The following BCL2 variants were observed in gnomAD, a reference collection of about 807,000 sequenced individuals.
The protein encoded by BCL2 is BCL2 apoptosis regulator, also known as apoptosis regulator Bcl-2.
A neutral mutation model predicts 14.2 loss-of-function variants in BCL2; 1 was observed. The observed-to-expected ratio is 0.07, with a 90% CI of 0.02 to 0.33. The LOEUF is 0.33. BCL2 is among the 10% of genes least tolerant of loss of function. The pLI is 0.99. For missense variants in BCL2, 247 were observed against 305.9 expected (o/e 0.81, Z 1.44); for synonymous variants, 151 against 137.2 (o/e 1.10, Z -0.70).
chr18:63,212,881 A>T (rs1316664982), intron 2 of BCL2, among the ~76,000 whole-genome samples: 1 of 39,486 alleles, frequency 2.5e-5, no homozygotes, highest in Non-Finnish European at 7.5e-5. Flanking sequence ...GTCTCAAAAA[A>T]CAAAAAAAAA....
In BCL2 at chr18:63,233,379, T is replaced by A. The variant is rs1910738465; in HGVS notation, c.585+84703A>T. ...GGATTATTGATAACATTACCATTCG[T>A]TTTTTAAACTTGCAAAATGATACTA... is the stretch of plus-strand genomic sequence containing the variant. On this transcript the variant is annotated intron_variant, in intron 2 of 2. Coordinates refer to ENST00000333681, the MANE Select transcript of BCL2 (RefSeq NM_000633.3). Among the ~76,000 whole-genome samples the A allele has an allele frequency of 1.3e-5, 2 of 152,170 alleles. 1 individual carries two copies. The highest frequency in any genetic ancestry group is 1.3e-4 in the Admixed American group (2 of 15,286).
chr18:63,249,833 T>C (rs1364001814), intron 2 of BCL2, among the ~76,000 whole-genome samples: 1 of 142,204 alleles, frequency 7.0e-6, no homozygotes, highest in Non-Finnish European at 1.5e-5. Context: ...CTAAAAAAAA[T>C]GGTAGTTTCA....
intron 2 of BCL2, among the ~76,000 whole-genome samples, chr18:63,240,201 C>T (rs1599263370): frequency 6.6e-6 from 1 of 152,054 alleles, no homozygotes; most frequent in Non-Finnish European, 1.5e-5. Flanking sequence ...CTTGCCCAGG[C>T]TGGTCTTGAA....
intron 2 of BCL2, among the ~76,000 whole-genome samples, chr18:63,199,802 C>T (rs1228067034): frequency 1.3e-5 from 2 of 152,190 alleles, no homozygotes; most frequent in African/African-American, 4.8e-5. Context: ...GCTCATCCCA[C>T]TTCTGTGCTG....
Position 63,125,719 on chromosome 18 carries a change from A to G in BCL2, c.*2906T>C, listed in dbSNP as rs965848467. The G allele has an allele frequency of 2.8e-5, 6 of 213,940 alleles. No homozygotes were observed. Among genetic ancestry groups the G allele is most frequent in the Admixed American group, 2.3e-4 (4 of 17,080 alleles). 13.3% of individuals were successfully genotyped at this position (213,940 alleles called of 1,614,324 possible). ...AAAAAAATGACTAGTTGAGGCTTTTATATACATTCATTGCTTCTAACATGT... is the reference window on the plus strand; with the variant it reads ...AAAAAAATGACTAGTTGAGGCTTTTGTATACATTCATTGCTTCTAACATGT... On this transcript the variant is annotated 3_prime_UTR_variant, in exon 3 of 3. Transcript: ENST00000333681.
chr18:63,162,371 C>G (rs1054245756), intron 2 of BCL2, among the ~76,000 whole-genome samples: 5 of 152,188 alleles, frequency 3.3e-5, no homozygotes, highest in African/African-American at 1.2e-4. Flanking sequence ...AACACGTCTT[C>G]ATTGCTCAAT....
At chr18:63,244,805 T>C (rs1281510529) in intron 2 of BCL2, among the ~76,000 whole-genome samples, 1 of 152,210 alleles carries the variant, frequency 6.6e-6, no homozygotes, top group Admixed American at 6.5e-5. Context: ...GCTTTGGGCC[T>C]CTGTGGATTC....
At chr18:63,258,116 G>A (rs1287788634) in intron 2 of BCL2, among the ~76,000 whole-genome samples, 4 of 152,198 alleles carry the variant, frequency 2.6e-5, no homozygotes, top group Non-Finnish European at 5.9e-5. Flanking sequence ...GACACACAGG[G>A]ACACAGAGGG....
At chr18:63,222,711 A>C (rs1301074470) in intron 2 of BCL2, among the ~76,000 whole-genome samples, 1 of 152,224 alleles carries the variant, frequency 6.6e-6, no homozygotes, top group Non-Finnish European at 1.5e-5. Flanking sequence ...AAAAATGGAG[A>C]ATTGAACACA....
intron 2 of BCL2, among the ~76,000 whole-genome samples, chr18:63,152,803 C>T (rs1914682177): frequency 6.6e-6 from 1 of 152,238 alleles, no homozygotes; most frequent in Non-Finnish European, 1.5e-5. Context: ...CTGGGTTGAT[C>T]AGGTGATAAT....
intron 2 of BCL2, among the ~76,000 whole-genome samples, chr18:63,243,361 A>G (rs943483813): frequency 1.3e-5 from 2 of 152,108 alleles, no homozygotes; most frequent in African/African-American, 4.8e-5. Context: ...AGGACCTATC[A>G]GAGGATGAAG....
At chr18:63,210,040 T>A (rs984028402) in intron 2 of BCL2, among the ~76,000 whole-genome samples, 1 of 152,098 alleles carries the variant, frequency 6.6e-6, no homozygotes, top group African/African-American at 2.4e-5. Flanking sequence ...AGGGTGGCAG[T>A]AGGGACAGTT....
At chr18:63,215,118 A>T (rs770252059) in intron 2 of BCL2, among the ~76,000 whole-genome samples, 12 of 152,140 alleles carry the variant, frequency 7.9e-5, no homozygotes, top group Non-Finnish European at 1.8e-4. Flanking sequence ...TGGTCATATT[A>T]TTGCCCCATA....
intron 2 of BCL2, among the ~76,000 whole-genome samples, chr18:63,205,179 G>A (rs1031511361): frequency 1.3e-5 from 2 of 152,144 alleles, no homozygotes; most frequent in East Asian, 1.9e-4. Flanking sequence ...TCAAACTGAC[G>A]ATTATAATTC....
intron 2 of BCL2, among the ~76,000 whole-genome samples, chr18:63,133,622 A>C (rs1340295201): frequency 5.9e-5 from 9 of 152,016 alleles, no homozygotes; most frequent in African/African-American, 1.9e-4. Flanking sequence ...CTAAAATGAG[A>C]ATTTTTTTTA....
chr18:63,225,753 C>T (rs1189620880), intron 2 of BCL2, among the ~76,000 whole-genome samples: 1 of 152,190 alleles, frequency 6.6e-6, no homozygotes, highest in African/African-American at 2.4e-5. Context: ...GATGCAGGAG[C>T]CAGGTGAGTG....
intron 2 of BCL2, among the ~76,000 whole-genome samples, chr18:63,219,356 G>A (rs577331179): frequency 7.2e-4 from 109 of 151,536 alleles, no homozygotes; most frequent in South Asian, 5.8e-3. Flanking sequence ...GTGGCTTATG[G>A]TTCTAAAGTT....
intron 2 of BCL2, among the ~76,000 whole-genome samples, chr18:63,173,140 G>A (rs901765674): frequency 4.6e-5 from 7 of 152,112 alleles, no homozygotes; most frequent in Non-Finnish European, 1.0e-4. Flanking sequence ...GCACATAATC[G>A]TAATTAAAAA....
intron 2 of BCL2, among the ~76,000 whole-genome samples, chr18:63,295,168 A>G (rs1289842556): frequency 6.6e-6 from 1 of 151,472 alleles, no homozygotes; most frequent in Non-Finnish European, 1.5e-5. Context: ...CATCTCAAAA[A>G]AAGATAATAA....
Sources: allele counts gnomAD v4.1 joint callset (sites outside exome capture counted in the v4.1 genomes callset), GRCh38; gene constraint gnomAD v4.1.1; transcripts MANE v1.5; gene names NCBI Gene and HGNC (gene_info 2026-07-23, HGNC 2026-07-21).